Variants in ZFR observed in about 807,000 individuals in gnomAD.
ZFR encodes zinc finger RNA-binding protein.
ZFR carries 19 observed loss-of-function variants against 130.7 expected under a neutral mutation model. The observed-to-expected ratio is 0.15, with a 90% CI of 0.10 to 0.21. The LOEUF (loss-of-function observed/expected upper bound fraction) is 0.21, where lower values mean the gene tolerates loss of function less well. Ranked by LOEUF, ZFR falls within the 10% of genes least tolerant of loss-of-function variation. The pLI is 1.00. For missense variants in ZFR, 872 were observed against 1,321.5 expected (o/e 0.66, Z 5.27); for synonymous variants, 466 against 456.9 (o/e 1.02, Z -0.25).
At chr5:32,417,848 T>A (rs1414370428) in intron 3 of ZFR, 56 bp from the exon 4 acceptor site, 4 of 1,564,286 alleles carry the variant, frequency 2.6e-6, no homozygotes, top group Non-Finnish European at 3.5e-6. Flanking sequence ...AGGAAAAAAA[T>A]ACTTACTGTA....
intron 17 of ZFR, chr5:32,364,731 C>T (rs970859346): frequency 2.0e-5 from 3 of 151,832 alleles, no homozygotes; most frequent in African/African-American, 7.3e-5. Flanking sequence ...TGGAGTGAGA[C>T]CATCTTTCTT....
At chr5:32,436,724 T>C (rs953143994) in intron 2 of ZFR, among the ~76,000 whole-genome samples, 3 of 152,170 alleles carry the variant, frequency 2.0e-5, no homozygotes, top group Non-Finnish European at 4.4e-5. Flanking sequence ...TCCTCCAGCC[T>C]AGGCCTACCA....
chr5:32,443,669 G>A (rs1754523146), intron 2 of ZFR, among the ~76,000 whole-genome samples: 1 of 152,276 alleles, frequency 6.6e-6, no homozygotes, highest in Non-Finnish European at 1.5e-5. Context: ...GAGCGTCTGG[G>A]GAAGAAGCCC....
At chr5:32,417,813 A>G in intron 3 of ZFR, 21 bp from the exon 4 acceptor site, 1 of 1,608,438 alleles carries the variant, frequency 6.2e-7, no homozygotes, top group South Asian at 1.1e-5. Context: ...GGAATGAAAG[A>G]AAATCTTGCT....
At chr5:32,390,245 A>C in intron 12 of ZFR, 30 bp downstream of exon 12, 1 of 1,592,968 alleles carries the variant, frequency 6.3e-7, no homozygotes, top group Non-Finnish European at 8.6e-7. Flanking sequence ...TCAAACTTTC[A>C]CCCCTTGTAT....
intron 2 of ZFR, among the ~76,000 whole-genome samples, chr5:32,434,275 C>T (rs1754285178): frequency 6.6e-6 from 1 of 152,222 alleles, no homozygotes; most frequent in South Asian, 2.1e-4. Context: ...AGGACATTAT[C>T]AGCTGAAGAC....
At chr5:32,434,851 A>G (rs1486425154) in intron 2 of ZFR, among the ~76,000 whole-genome samples, 2 of 152,194 alleles carry the variant, frequency 1.3e-5, no homozygotes, top group African/African-American at 4.8e-5. Context: ...GAAACTCACT[A>G]TTGATTGGGT....
chr5:32,417,515 A>T, intron 4 of ZFR, 133 bp downstream of exon 4: 1 of 1,020,020 alleles, frequency 9.8e-7, no homozygotes, highest in Non-Finnish European at 1.4e-6. Context: ...ATTTAGTAGG[A>T]CAGGTCTAGA....
intron 2 of ZFR, among the ~76,000 whole-genome samples, chr5:32,435,781 T>A (rs551440448): frequency 6.6e-6 from 1 of 152,350 alleles, no homozygotes; most frequent in African/African-American, 2.4e-5. Flanking sequence ...TCAAAAAATT[T>A]ATTTTCATTT....
chr5:32,423,850 C>T (rs965775199), intron 2 of ZFR, among the ~76,000 whole-genome samples: 3 of 152,100 alleles, frequency 2.0e-5, no homozygotes, highest in Admixed American at 1.3e-4. Flanking sequence ...ACTGGTAACA[C>T]TAAAGCAAGA....
rs374072398 is a variant in ZFR at position 32,375,509 on chromosome 5, T to C, written c.2835+3606A>G. On this transcript the variant is annotated intron_variant, in intron 17 of 19. Transcript: ENST00000265069. ...GAAGGCAAAATATCATTTGTAGATATGTCTCAAAGAAAAAAAAAGAGATAA... is the reference window on the plus strand; with the variant it reads ...GAAGGCAAAATATCATTTGTAGATACGTCTCAAAGAAAAAAAAAGAGATAA... Among the ~76,000 whole-genome samples, 5 of 152,276 alleles carry C rather than the reference T, an allele frequency of 3.3e-5. No individual in the cohort carries two copies. The East Asian group carries it at 7.7e-4, about 23-fold the overall frequency.
intron 17 of ZFR, among the ~76,000 whole-genome samples, chr5:32,371,284 T>C (rs1019095674): frequency 6.6e-6 from 1 of 152,098 alleles, no homozygotes; most frequent in African/African-American, 2.4e-5. Flanking sequence ...GCAGAAGGAA[T>C]GCTTGAGCCC....
rs191230752 is a variant in ZFR at position 32,441,738 on chromosome 5, G to C, written c.137+2491C>G. On this transcript the variant is annotated intron_variant, in intron 2 of 19. Coordinates refer to ENST00000265069, the MANE Select transcript of ZFR (RefSeq NM_016107.5). The stretch of plus-strand genomic sequence containing the variant: ...TTAATGTTATTCATTCATCTTCCTT[G>C]CCAAAATTCCCAGTATTATTGGGCC... Among the ~76,000 whole-genome samples the C allele has an allele frequency of 4.0e-3, 616 of 152,168 alleles. 2 individuals carry two copies. Among genetic ancestry groups the C allele is most frequent in the Non-Finnish European group, 5.5e-3 (371 of 68,012 alleles).
chr5:32,374,376 G>A (rs1330413442), intron 17 of ZFR, among the ~76,000 whole-genome samples: 1 of 152,050 alleles, frequency 6.6e-6, no homozygotes, highest in Non-Finnish European at 1.5e-5. Flanking sequence ...GGTGGTGCAT[G>A]CCTGTAATCC....
At chr5:32,425,682 C>A (rs1754058607) in intron 2 of ZFR, among the ~76,000 whole-genome samples, 1 of 152,210 alleles carries the variant, frequency 6.6e-6, no homozygotes, top group African/African-American at 2.4e-5. Context: ...CAGCTGCCAC[C>A]TTCTGGCTAA....
chr5:32,395,736 T>G (rs988516774), intron 10 of ZFR, among the ~76,000 whole-genome samples: 1 of 152,194 alleles, frequency 6.6e-6, no homozygotes, highest in Non-Finnish European at 1.5e-5. Context: ...GACCTTTATA[T>G]GATGACCCAC....
rs528598852 is a variant in ZFR, at chr5:32,419,784, C to T, written c.420+37G>A. The stretch of plus-strand genomic sequence containing the variant: ...ATTATACACTGAAGACAAAGAAACC[C>T]GCACATTCAGGCTACCAAAACTAGT... On this transcript the variant is annotated intron_variant, in intron 3 of 19. Coordinates refer to ENST00000265069, the MANE Select transcript of ZFR (RefSeq NM_016107.5). 40 of 1,545,188 alleles carry T rather than the reference C, an allele frequency of 2.6e-5. No homozygotes were observed. The South Asian group carries it at 3.5e-4, about 14-fold the overall frequency.
At chr5:32,375,067 A>G (rs974356916) in intron 17 of ZFR, among the ~76,000 whole-genome samples, 2 of 152,172 alleles carry the variant, frequency 1.3e-5, no homozygotes, top group Non-Finnish European at 2.9e-5. Context: ...ATTCTTAAAC[A>G]AACTATTGGC....
At chr5:32,417,845 A>C (rs373087772) in intron 3 of ZFR, 53 bp from the exon 4 acceptor site, 5 of 1,576,942 alleles carry the variant, frequency 3.2e-6, no homozygotes, top group Admixed American at 1.7e-5. Context: ...GGAAGGAAAA[A>C]AATACTTACT....
Sources: gnomAD v4.1 joint callset for allele counts (sites outside exome capture counted in the v4.1 genomes callset) on GRCh38, gnomAD v4.1.1 for gene constraint, MANE v1.5 for transcripts, NCBI Gene and HGNC (gene_info 2026-07-23, HGNC 2026-07-21) for gene names.